The following HTR2B variants were observed in gnomAD, a reference collection of about 807,000 sequenced individuals.
HTR2B encodes 5-hydroxytryptamine receptor 2B.
Under a neutral mutation model 39.8 loss-of-function variants are expected in HTR2B, and 31 were observed. That is an observed-to-expected ratio of 0.78 (90% CI 0.58 to 1.05). The LOEUF (loss-of-function observed/expected upper bound fraction) is 1.05. Among genes scored for constraint, HTR2B ranks in the 50% least tolerant of loss-of-function variants. The pLI, the probability that HTR2B is intolerant of heterozygous loss-of-function variation, is 0.00. For missense variants in HTR2B, 562 were observed against 578.0 expected, an observed-to-expected ratio of 0.97 and a Z score of 0.28; for synonymous variants, 210 against 207.1, an observed-to-expected ratio of 1.01 and a Z score of -0.12.
intron 2 of HTR2B, among the ~76,000 whole-genome samples, chr2:231,114,830 A>G (rs1695277008): frequency 6.6e-6 from 1 of 152,150 alleles, no homozygotes; most frequent in Admixed American, 6.5e-5. Flanking sequence ...ATTATGCATT[A>G]TATATTACAC....
intron 3 of HTR2B, among the ~76,000 whole-genome samples, chr2:231,110,534 C>T (rs1488362518): frequency 6.6e-6 from 1 of 152,162 alleles, no homozygotes; most frequent in African/African-American, 2.4e-5. Context: ...CCTCTGGAAT[C>T]CTTGTGTTGT....
At chr2:231,119,950 CTTTT>C (rs758725665) in intron 2 of HTR2B, among the ~76,000 whole-genome samples, 1 of 135,720 alleles carries the variant, frequency 7.4e-6, no homozygotes, top group Non-Finnish European at 1.6e-5. Flanking sequence ...TCCCGTGTTA[CTTTT>C]TTTTTTTTTT....
intron 2 of HTR2B, 41 bp from the exon 3 acceptor site, chr2:231,113,970 A>G: frequency 1.9e-6 from 3 of 1,547,110 alleles, no homozygotes; most frequent in Non-Finnish European, 2.7e-6. Context: ...TATTCTATAA[A>G]ATGGCAACTT....
rs1695041383 is a variant in HTR2B at position 231,108,655 on chromosome 2, C to A, written c.1308G>T (p.Gly436=). 1 of 1,614,058 alleles carries A rather than the reference C, an allele frequency of 6.2e-7. No homozygotes were observed. Residue 436 remains glycine (G), a synonymous_variant, in exon 4 of 4, where the codon GGG becomes GGT. Coordinates refer to ENST00000258400, the MANE Select transcript of HTR2B (RefSeq NM_000867.5). ...KFFKKHGIRN[G]INPAMYQSPM... Reference sequence around the variant, plus strand: ...GACTCTGGTACATGGCAGGGTTAATCCCATTTCGAATTCCATGTTTCTTGA... The same window carrying A: ...GACTCTGGTACATGGCAGGGTTAATACCATTTCGAATTCCATGTTTCTTGA...
At chr2:231,111,871 G>C (rs1184329236) in intron 3 of HTR2B, among the ~76,000 whole-genome samples, 1 of 152,108 alleles carries the variant, frequency 6.6e-6, no homozygotes. Context: ...TTGTGTTAGT[G>C]TAATTTGTTT....
At chr2:231,118,829 T>C (rs1006326990) in intron 2 of HTR2B, among the ~76,000 whole-genome samples, 1 of 152,202 alleles carries the variant, frequency 6.6e-6, no homozygotes, top group Non-Finnish European at 1.5e-5. Context: ...GCATTCCAAG[T>C]GGGCTGTTCC....
chr2:231,123,230 C>G (rs1241495722), intron 2 of HTR2B, among the ~76,000 whole-genome samples, 183 bp downstream of exon 2: 1 of 152,058 alleles, frequency 6.6e-6, no homozygotes, highest in African/African-American at 2.4e-5. Context: ...ATTTTTTGCT[C>G]TTTAAAACTG....
At chr2:231,117,551 A>G (rs998287800) in intron 2 of HTR2B, among the ~76,000 whole-genome samples, 10 of 152,200 alleles carry the variant, frequency 6.6e-5, no homozygotes, top group Admixed American at 5.9e-4. Flanking sequence ...CTTGTCTTAT[A>G]GACAATTGTT....
chr2:231,118,015 G>A (rs1251617527), intron 2 of HTR2B, among the ~76,000 whole-genome samples: 1 of 152,044 alleles, frequency 6.6e-6, no homozygotes, highest in African/African-American at 2.4e-5. Flanking sequence ...TTAAGAGTGT[G>A]AATTCTAGAA....
intron 3 of HTR2B, among the ~76,000 whole-genome samples, chr2:231,111,923 T>G (rs940844280): frequency 1.3e-5 from 2 of 152,208 alleles, no homozygotes; most frequent in African/African-American, 4.8e-5. Flanking sequence ...TTTTTCTTGA[T>G]CATCTGTGTA....
In HTR2B at chr2:231,113,097, G is replaced by A. The variant is rs528899040; in HGVS notation, c.553+632C>T. ...GAGGATCGCTTGAGCCCGGGAAGTC[G>A]AGGCAGCAGTGAACCATGATTGTGC... On this transcript the variant is annotated intron_variant, in intron 3 of 3. Transcript: ENST00000258400. Among the ~76,000 whole-genome samples the A allele has an allele frequency of 1.4e-3, 220 of 152,238 alleles. 1 individual carries two copies. Among genetic ancestry groups the A allele is most frequent in the Non-Finnish European group, 2.8e-3 (189 of 68,014 alleles).
intron 3 of HTR2B, among the ~76,000 whole-genome samples, chr2:231,112,328 GCT>G: frequency 6.6e-6 from 1 of 152,286 alleles, no homozygotes; most frequent in Non-Finnish European, 1.5e-5. Flanking sequence ...GGCTGGTTCT[GCT>G]CTGTCGGCAT....
At chr2:231,119,588 T>C (rs1695459618) in intron 2 of HTR2B, among the ~76,000 whole-genome samples, 1 of 152,126 alleles carries the variant, frequency 6.6e-6, no homozygotes, top group Non-Finnish European at 1.5e-5. Flanking sequence ...ACTTAAGTTA[T>C]AGCCAGGTTT....
At position 231,108,947 on chromosome 2, in the gene HTR2B, G is replaced by C. The variant is rs1364650692; in HGVS notation, c.1016C>G (p.Pro339Arg). The C allele has an allele frequency of 6.2e-7, 1 of 1,613,838 alleles. No homozygotes were observed. The highest frequency in any genetic ancestry group is 8.5e-7 in the Non-Finnish European group (1 of 1,179,914). Reference sequence around the variant, plus strand: ...TAAAGTTATATTTGTAATAAAGAAGGGACACCACATAAGCAAAAAGAGGAA... The same window carrying C: ...TAAAGTTATATTTGTAATAAAGAAGCGACACCACATAAGCAAAAAGAGGAA... ...VFFLFLLMWCPFFITNITLVL... is the reference protein window; with the variant it reads ...VFFLFLLMWCRFFITNITLVL... Residue 339 changes from proline (P) to arginine (R), a missense_variant, in exon 4 of 4, where the codon CCC (proline) becomes CGC (arginine). Physicochemically the swap from Pro to Arg is moderately radical, Grantham distance 103 (BLOSUM62 -2). Transcript: ENST00000258400.
At chr2:231,124,594 A>T (rs889850120) in intron 1 of HTR2B, among the ~76,000 whole-genome samples, 24 of 152,214 alleles carry the variant, frequency 1.6e-4, no homozygotes, top group African/African-American at 4.3e-4. Context: ...AGGAAAAAAA[A>T]AGGTATTACT....
chr2:231,116,433 C>G (rs1052837205), intron 2 of HTR2B, among the ~76,000 whole-genome samples: 1 of 151,996 alleles, frequency 6.6e-6, no homozygotes, highest in Non-Finnish European at 1.5e-5. Context: ...CTCTCTGTAA[C>G]ATCTTTTAAA....
In HTR2B at chr2:231,108,252, A is replaced by G. The variant is rs1274105941; in HGVS notation, c.*265T>C. 9 of 344,926 alleles carry G rather than the reference A, an allele frequency of 2.6e-5. No individual in the cohort carries two copies. Among genetic ancestry groups the G allele is most frequent in the Admixed American group, 4.5e-5 (1 of 22,244 alleles). 21.4% of individuals were successfully genotyped at this position (344,926 alleles called of 1,614,324 possible). ...TGGTTCTTTTTAAAGCCTGAAATTTATTGATTTGACTTTATTTCATTCGAA... is the reference window on the plus strand; with the variant it reads ...TGGTTCTTTTTAAAGCCTGAAATTTGTTGATTTGACTTTATTTCATTCGAA... On this transcript the variant is annotated 3_prime_UTR_variant, in exon 4 of 4. Transcript: ENST00000258400.
chr2:231,123,473 C>G lies in HTR2B; in HGVS notation c.292G>C (p.Val98Leu). Reference protein sequence around the residue: ...ATNYFLMSLAVADLLVGLFVM... With the variant: ...ATNYFLMSLALADLLVGLFVM... ...AACAATCCAACCAGCAAATCAGCCA[C>G]CGCCAAGGACATTAGAAAGTAATTA... The change falls in exon 2 of 4, where the codon GTG becomes CTG. Residue 98 changes from valine (V) to leucine (L), a missense_variant. By Grantham distance (32) the Val-to-Leu change is conservative. Transcript: ENST00000258400. 1.2e-6 allele frequency: 2 copies of G among 1,614,066 alleles called. No individual in the cohort carries two copies. Among genetic ancestry groups the G allele is most frequent in the Non-Finnish European group, 1.7e-6 (2 of 1,179,938 alleles).
In HTR2B at chr2:231,124,063, T is replaced by TTC; in HGVS notation, c.-301_-300dup. 1 of 312,972 alleles carries TTC rather than the reference T, an allele frequency of 3.2e-6. No homozygotes were observed. The highest frequency in any genetic ancestry group is 6.1e-6 in the Non-Finnish European group (1 of 164,404). The allele number at this position is 312,972 out of a possible 1,614,324, so 19.4% of individuals were successfully genotyped here. A position where few individuals can be genotyped will look rare whatever the true frequency, so the allele number is the denominator to read the frequency against. On this transcript the variant is annotated 5_prime_UTR_variant, in exon 2 of 4. The change creates a premature stop within an existing upstream ORF in the 5' untranslated region. Coordinates refer to ENST00000258400, the MANE Select transcript of HTR2B (RefSeq NM_000867.5). Reference sequence around the variant, plus strand: ...AATAGGATATATATATATTTTTAGTTTCTCTCTCTCTCTTTTTCTGCCGTA... The same window carrying TTC: ...AATAGGATATATATATATTTTTAGTTTCTCTCTCTCTCTCTTTTTCTGCCGTA...
Sources: allele counts gnomAD v4.1 joint callset (sites outside exome capture counted in the v4.1 genomes callset), GRCh38; gene constraint gnomAD v4.1.1; transcripts MANE v1.5; gene names NCBI Gene and HGNC (gene_info 2026-07-23, HGNC 2026-07-21).